ZNF682: variants seen among roughly 807,000 people sequenced by gnomAD.
ZNF682 encodes the protein zinc finger protein 682.
In ZNF682, 29 loss-of-function variants were observed where a neutral mutation model predicts 36.5. The ratio of observed to expected loss-of-function variants is 0.80; its 90% confidence interval spans 0.59 to 1.08. The LOEUF (loss-of-function observed/expected upper bound fraction) is 1.08. ZNF682 is among the 50% of genes least tolerant of loss of function. The probability of loss-of-function intolerance (pLI) is 0.00; values close to 1 mark genes in which losing one functional copy is unlikely to be tolerated. For synonymous variants in ZNF682, 180 were observed against 197.0 expected (o/e 0.91, Z 0.72); for missense variants, 561 against 579.7 (o/e 0.97, Z 0.33).
intron 1 of ZNF682, among the ~76,000 whole-genome samples, chr19:20,028,672 C>A (rs2088453238): frequency 6.6e-6 from 1 of 152,192 alleles, no homozygotes; most frequent in Non-Finnish European, 1.5e-5. Context: ...TGCTTTTGGT[C>A]CAAAATAAAA....
At chr19:20,002,470 TTC>T (rs1279046864), downstream of ZNF682, among the ~76,000 whole-genome samples, 1 of 152,292 alleles carries the variant, frequency 6.6e-6, no homozygotes, top group Non-Finnish European at 1.5e-5. Context: ...TTAGGCTCCA[TTC>T]ACTAAATACA....
downstream of ZNF682, among the ~76,000 whole-genome samples, chr19:20,004,020 A>C (rs768964973): frequency 6.6e-6 from 1 of 152,232 alleles, no homozygotes; most frequent in South Asian, 2.1e-4. Context: ...ACATATTTGT[A>C]TATTAAACTT....
chr19:20,002,931 C>A (rs181219451), downstream of ZNF682, among the ~76,000 whole-genome samples: 115 of 152,220 alleles, frequency 7.6e-4, 1 homozygote, highest in African/African-American at 2.5e-3. Context: ...TGGCTCACGC[C>A]TGTAATCCCA....
At chr19:19,997,413 C>CA (rs2088134498) in intron 3 of ZNF682, 2 of 395,720 alleles carry the variant, frequency 5.1e-6, no homozygotes, top group South Asian at 2.8e-4. Flanking sequence ...CTTTGTTCTT[C>CA]ATTGGTGAAC....
intron 3 of ZNF682, among the ~76,000 whole-genome samples, chr19:20,022,390 G>A (rs1394764714): frequency 1.3e-5 from 2 of 151,524 alleles, no homozygotes; most frequent in East Asian, 3.9e-4. Flanking sequence ...TTTAAAGGCC[G>A]GGCATGGTGG....
chr19:20,032,685 A>G (rs967320737), intron 1 of ZNF682, among the ~76,000 whole-genome samples: 2 of 152,348 alleles, frequency 1.3e-5, no homozygotes, highest in East Asian at 3.9e-4. Flanking sequence ...AACACAAAGC[A>G]AAAACCATAT....
intron 3 of ZNF682, among the ~76,000 whole-genome samples, chr19:19,998,939 C>T (rs949787914): frequency 6.6e-6 from 1 of 151,956 alleles, no homozygotes. Flanking sequence ...TGATTTCTCC[C>T]CCTATATTTG....
intron 1 of ZNF682, among the ~76,000 whole-genome samples, chr19:20,038,243 A>T (rs1276583859): frequency 1.3e-5 from 2 of 151,306 alleles, no homozygotes; most frequent in Non-Finnish European, 2.9e-5. Context: ...GAGTGTTGGG[A>T]TTATTCTCTG....
At chr19:20,032,626 T>G (rs748741807) in intron 1 of ZNF682, among the ~76,000 whole-genome samples, 1 of 152,150 alleles carries the variant, frequency 6.6e-6, no homozygotes, top group Non-Finnish European at 1.5e-5. Context: ...AAAAATGTAA[T>G]TAAAAGCACA....
At position 20,022,994 on chromosome 19, in the gene ZNF682, T is replaced by C. The variant is rs771289218; in HGVS notation, c.226+10A>G. 6.2e-7 allele frequency: 1 copy of C among 1,612,232 alleles called. No individual in the cohort carries two copies. The highest frequency in any genetic ancestry group is 1.1e-5 in the South Asian group (1 of 90,850). On this transcript the variant is annotated intron_variant, in intron 3 of 3. Coordinates refer to ENST00000397165, the MANE Select transcript of ZNF682 (RefSeq NM_033196.3). ...TCACCTGTGGCATGTGTTTCATTCA[T>C]CCAACCTACCTGGGGGTTTGGCTAT... is the stretch of plus-strand genomic sequence containing the variant.
chr19:20,012,673 CAGG>C (rs1319717606), intron 3 of ZNF682, among the ~76,000 whole-genome samples: 1 of 148,302 alleles, frequency 6.7e-6, no homozygotes, highest in Non-Finnish European at 1.5e-5. Context: ...GAGGCTGAGG[CAGG>C]AGAATGGCAC....
rs61739376 is a variant in ZNF682, at chr19:20,024,257, G to T, written c.123C>A (p.Val41=). The change falls in exon 2 of 4, where the codon GTC becomes GTA. Residue 41 remains valine, a synonymous_variant. Coordinates refer to ENST00000397165, the MANE Select transcript of ZNF682 (RefSeq NM_033196.3). Reference sequence around the variant, plus strand: ...TATTGAAGTTATTCTCACCCAGAGAGACCAGGTTTCTGTAGTTCTCTAGCA... The same window carrying T: ...TATTGAAGTTATTCTCACCCAGAGATACCAGGTTTCTGTAGTTCTCTAGCA... The part of the protein sequence containing the change: ...KVMLENYRNL[V]SLGLTVSKPE... 53,479 of 1,613,398 alleles carry T rather than the reference G, an allele frequency of 0.033. 2,225 individuals carry two copies. Among genetic ancestry groups the T allele is most frequent in the East Asian group, 0.2 (8,847 of 44,814 alleles).
intron 3 of ZNF682, among the ~76,000 whole-genome samples, chr19:20,022,665 C>CA (rs1202381448): frequency 2.0e-5 from 3 of 149,636 alleles, no homozygotes; most frequent in Admixed American, 2.0e-4. Context: ...CTCTCTCTCT[C>CA]AAAAAAAAGA....
intron 1 of ZNF682, among the ~76,000 whole-genome samples, chr19:20,026,098 C>T (rs962308448): frequency 6.6e-6 from 1 of 152,060 alleles, no homozygotes; most frequent in East Asian, 1.9e-4. Context: ...GTCAGGAGAT[C>T]GAGACCATCC....
At chr19:20,021,346 G>A (rs2088382170) in intron 3 of ZNF682, among the ~76,000 whole-genome samples, 2 of 152,102 alleles carry the variant, frequency 1.3e-5, no homozygotes, top group African/African-American at 4.8e-5. Flanking sequence ...GAGGCCAGGG[G>A]TTTGAGACCA....
chr19:20,027,787 A>T (rs1471895269), intron 1 of ZNF682, among the ~76,000 whole-genome samples: 1 of 5,566 alleles, frequency 1.8e-4, no homozygotes, highest in Non-Finnish European at 3.8e-4. Context: ...AACAAAAACA[A>T]AAAAAAAAAA....
chr19:20,028,398 G>GATGGCCTTTC (rs1599615232), intron 1 of ZNF682, among the ~76,000 whole-genome samples: 1 of 152,206 alleles, frequency 6.6e-6, no homozygotes, highest in East Asian at 1.9e-4. Context: ...TTTTAGTAGA[G>GATGGCCTTTC]ATGGCCTTTC....
intron 2 of ZNF682, among the ~76,000 whole-genome samples, chr19:20,023,381 C>T (rs1304726154): frequency 6.6e-6 from 1 of 151,822 alleles, no homozygotes; most frequent in Admixed American, 6.6e-5. Flanking sequence ...CCTGTAATCC[C>T]AGCTGCTTGG....
intron 3 of ZNF682, among the ~76,000 whole-genome samples, chr19:20,010,749 C>G (rs745720190): frequency 2.6e-5 from 4 of 151,886 alleles, no homozygotes; most frequent in African/African-American, 9.7e-5. Context: ...GGCAGATCAC[C>G]AGGTCAAGAG....
Sources: allele counts gnomAD v4.1 joint callset (sites outside exome capture counted in the v4.1 genomes callset), GRCh38; gene constraint gnomAD v4.1.1; transcripts MANE v1.5; gene names NCBI Gene and HGNC (gene_info 2026-07-23, HGNC 2026-07-21).